SLC5A4: variants seen among roughly 807,000 people sequenced by gnomAD.
SLC5A4 encodes the protein solute carrier family 5 member 4, also known as probable glucose sensor protein SLC5A4.
SLC5A4 carries 55 observed loss-of-function variants against 70.3 expected under a neutral mutation model. That is an observed-to-expected ratio of 0.78 (90% CI 0.63 to 0.98). The LOEUF is 0.98. Among genes scored for constraint, SLC5A4 ranks in the 50% least tolerant of loss-of-function variants. The pLI is 0.00. For synonymous variants in SLC5A4, 268 were observed against 305.7 expected (o/e 0.88, Z 1.29); for missense variants, 735 against 839.2 (o/e 0.88, Z 1.53).
the SLC5A4 span, among the ~76,000 whole-genome samples, chr22:32,343,895 C>A: frequency 6.6e-6 from 1 of 152,132 alleles, no homozygotes; most frequent in East Asian, 1.9e-4. Context: ...TGAACTCATC[C>A]CTGGCATTAT....
At chr22:32,268,786 C>G in the SLC5A4 span, among the ~76,000 whole-genome samples, 1 of 152,130 alleles carries the variant, frequency 6.6e-6, no homozygotes, top group Non-Finnish European at 1.5e-5. Flanking sequence ...CCTGTGCTGT[C>G]TAATGTGGTA....
At chr22:32,300,649 C>T in the SLC5A4 span, among the ~76,000 whole-genome samples, 285 of 152,154 alleles carry the variant, frequency 1.9e-3, no homozygotes, top group African/African-American at 6.5e-3. Flanking sequence ...AGCTGTAGAC[C>T]GGAGCTGTTC....
At chr22:32,322,736 G>A in the SLC5A4 span, among the ~76,000 whole-genome samples, 1 of 152,170 alleles carries the variant, frequency 6.6e-6, no homozygotes, top group East Asian at 1.9e-4. Context: ...GCTTGTGCAT[G>A]GCATGGCTGT....
the SLC5A4 span, chr22:32,269,876 C>T: frequency 1.9e-5 from 11 of 586,364 alleles, no homozygotes; most frequent in South Asian, 2.9e-5. This position sits in a 1 kb window ranked among gnomAD's most constrained non-coding sequence, Gnocchi z 4.1. Flanking sequence ...GCATGCGTAG[C>T]GTCCGAGTGT....
At chr22:32,332,448 G>C in the SLC5A4 span, among the ~76,000 whole-genome samples, 2 of 152,180 alleles carry the variant, frequency 1.3e-5, no homozygotes, top group African/African-American at 4.8e-5. Context: ...ACTCCGACAG[G>C]CTCATTCCTT....
At chr22:32,323,698 G>T in the SLC5A4 span, among the ~76,000 whole-genome samples, 12 of 152,294 alleles carry the variant, frequency 7.9e-5, no homozygotes, top group Middle Eastern at 6.8e-3. Flanking sequence ...GCCTCTGCTT[G>T]GTTTCCCCCA....
chr22:32,227,027 G>A (rs1925443159), intron 11 of SLC5A4, among the ~76,000 whole-genome samples: 1 of 152,100 alleles, frequency 6.6e-6, no homozygotes, highest in Non-Finnish European at 1.5e-5. Context: ...GCACCTGGAT[G>A]AGGTTACTTC....
the SLC5A4 span, among the ~76,000 whole-genome samples, chr22:32,330,387 C>G: frequency 3.5e-5 from 1 of 28,486 alleles, no homozygotes; most frequent in Non-Finnish European, 5.7e-5. Flanking sequence ...GTTGGGGGCT[C>G]TGTGTATTGG....
At chr22:32,336,376 T>C in the SLC5A4 span, among the ~76,000 whole-genome samples, 2 of 152,252 alleles carry the variant, frequency 1.3e-5, no homozygotes, top group Non-Finnish European at 2.9e-5. Flanking sequence ...TCACGCAAGC[T>C]GGCATCTTTG....
chr22:32,228,186 C>T (rs1156690437), intron 11 of SLC5A4, among the ~76,000 whole-genome samples: 1 of 152,080 alleles, frequency 6.6e-6, no homozygotes, highest in Admixed American at 6.6e-5. Context: ...AGCTGTGCAT[C>T]CATGTTTTAA....
chr22:32,224,129 C>G (rs911952804), intron 13 of SLC5A4, 138 bp downstream of exon 13: 13 of 651,826 alleles, frequency 2.0e-5, no homozygotes, highest in Non-Finnish European at 3.5e-5. Context: ...ACCGTGTTAA[C>G]CAGGATGGTC....
chr22:32,300,560 G>A, the SLC5A4 span, among the ~76,000 whole-genome samples: 4 of 150,954 alleles, frequency 2.6e-5, no homozygotes, highest in Non-Finnish European at 4.4e-5. Context: ...CCCACTGTCT[G>A]GCACTCCCTA....
chr22:32,352,273 TG>T, the SLC5A4 span, among the ~76,000 whole-genome samples: 64 of 34,854 alleles, frequency 1.8e-3, no homozygotes, highest in African/African-American at 5.7e-3. Context: ...TGTTGTGGGA[TG>T]GGGGGAGGGG....
the SLC5A4 span, chr22:32,271,485 G>A: frequency 1.4e-6 from 1 of 736,458 alleles, no homozygotes; most frequent in Admixed American, 1.8e-5. Flanking sequence ...CTTTAAGAAG[G>A]TCCTTCACAA....
chr22:32,272,408 C>G, the SLC5A4 span: 1 of 903,514 alleles, frequency 1.1e-6, no homozygotes, highest in South Asian at 1.4e-5. Flanking sequence ...ACGGGCATGG[C>G]CTTCATGGTC....
chr22:32,225,880 T>C (rs528319766), intron 11 of SLC5A4, 57 bp from the exon 12 acceptor site: 17 of 1,245,848 alleles, frequency 1.4e-5, no homozygotes, highest in Non-Finnish European at 1.8e-5. Context: ...GTTACTTCCA[T>C]TGTGCTTTAG....
upstream of SLC5A4, among the ~76,000 whole-genome samples, chr22:32,255,699 G>A (rs1272149098): frequency 6.6e-6 from 1 of 152,176 alleles, no homozygotes; most frequent in East Asian, 1.9e-4. Context: ...AACCAGCCAG[G>A]AGGGACCGAA....
chr22:32,324,982 G>C, the SLC5A4 span, among the ~76,000 whole-genome samples: 1 of 152,246 alleles, frequency 6.6e-6, no homozygotes, highest in Non-Finnish European at 1.5e-5. Flanking sequence ...AGTGCAGGAA[G>C]CTGTTCCTGT....
At chr22:32,264,667 G>C in the SLC5A4 span, among the ~76,000 whole-genome samples, 1 of 152,110 alleles carries the variant, frequency 6.6e-6, no homozygotes, top group African/African-American at 2.4e-5. Context: ...TCAGACCGAA[G>C]TCCTAAAAGA....
Sources: gnomAD v4.1 joint callset for allele counts (sites outside exome capture counted in the v4.1 genomes callset) on GRCh38, gnomAD v4.1.1 for gene constraint, Gnocchi (gnomAD v3.1) non-coding constraint, MANE v1.5 for transcripts, NCBI Gene and HGNC (gene_info 2026-07-23, HGNC 2026-07-21) for gene names.